The following ST3GAL1 variants were observed in gnomAD, a reference collection of about 807,000 sequenced individuals.
The protein encoded by ST3GAL1 is CMP-N-acetylneuraminate-beta-galactosamide-alpha-2,3-sialyltransferase 1.
ST3GAL1 carries 16 observed loss-of-function variants against 34.1 expected under a neutral mutation model. The observed-to-expected ratio is 0.47, with a 90% CI of 0.32 to 0.71. The LOEUF is 0.71. Among genes scored for constraint, ST3GAL1 ranks in the 30% least tolerant of loss-of-function variants. The pLI is 0.04. For synonymous variants in ST3GAL1, 191 were observed against 184.7 expected, an observed-to-expected ratio of 1.03 and a Z score of -0.28; for missense variants, 353 against 447.4, an observed-to-expected ratio of 0.79 and a Z score of 1.90.
chr8:133,489,651 AG>A (rs949345237), intron 3 of ST3GAL1: 3 of 152,242 alleles, frequency 2.0e-5, no homozygotes, highest in African/African-American at 7.2e-5. Context: ...AGGTCCCACC[AG>A]GGGGACACTC....
At chr8:133,553,386 T>C (rs1818915910) in intron 1 of ST3GAL1, among the ~76,000 whole-genome samples, 1 of 152,108 alleles carries the variant, frequency 6.6e-6, no homozygotes, top group African/African-American at 2.4e-5. Flanking sequence ...AGTTTCCTCA[T>C]CTGTAATGTG....
chr8:133,468,711 A>G (rs1309201309), intron 5 of ST3GAL1, among the ~76,000 whole-genome samples: 1 of 152,222 alleles, frequency 6.6e-6, no homozygotes, highest in Non-Finnish European at 1.5e-5. Context: ...GGGTGGCTCC[A>G]TGATCCTGAA....
Position 133,556,305 on chromosome 8 carries a change from C to G in ST3GAL1, c.-581-10379G>C, listed in dbSNP as rs750237265. 1.1e-4 allele frequency among the ~76,000 whole-genome samples: 17 copies of G among 152,218 alleles called. No individual in the cohort carries two copies. The highest frequency in any genetic ancestry group is 2.4e-4 in the African/African-American group (10 of 41,454). On this transcript the variant is annotated intron_variant, in intron 1 of 9. Transcript: ENST00000522652. This position sits in a 1 kb window ranked among gnomAD's most constrained non-coding sequence, Gnocchi z 8.9. ...GACGTGGAAGTCACTTGCCCCAGATCTCACCACTGATCAACAGCAGGCCTG... is the reference window on the plus strand; with the variant it reads ...GACGTGGAAGTCACTTGCCCCAGATGTCACCACTGATCAACAGCAGGCCTG...
intron 1 of ST3GAL1, among the ~76,000 whole-genome samples, chr8:133,561,001 C>T (rs1172055460): frequency 6.6e-6 from 1 of 152,014 alleles, no homozygotes; most frequent in Non-Finnish European, 1.5e-5. Context: ...GGAGGGCAGA[C>T]AGCCTGTCAC....
rs138411756 is a variant in ST3GAL1 at position 133,538,301 on chromosome 8, G to A, written c.-429+7473C>T. On this transcript the variant is annotated intron_variant, in intron 2 of 9. Coordinates refer to ENST00000522652, the MANE Select transcript of ST3GAL1 (RefSeq NM_173344.3). ...AGGCCAAGGTGGGGGGATCACCTGA[G>A]GTCAGGAGTTCGAGATCGGCCTGGC... Among the ~76,000 whole-genome samples, 13 of 152,348 alleles carry A rather than the reference G, an allele frequency of 8.5e-5. No individual in the cohort carries two copies. In the East Asian group the frequency reaches 1.5e-3, roughly 18 times the overall value.
In ST3GAL1 at chr8:133,458,278, A is replaced by C. The variant is rs1815373299; in HGVS notation, c.*1486T>G. On this transcript the variant is annotated 3_prime_UTR_variant, in exon 10 of 10. Transcript: ENST00000522652. ...AAACACCAGGACCACCAACAGAGCC[A>C]GGGTGCAAACAATGTCAGTTGAATA... is the stretch of plus-strand genomic sequence containing the variant. 1 of 151,958 alleles carries C rather than the reference A, an allele frequency of 6.6e-6. No individual in the cohort carries two copies. The highest frequency in any genetic ancestry group is 6.6e-5 in the Admixed American group (1 of 15,264). 9.4% of individuals were successfully genotyped at this position (151,958 alleles called of 1,614,324 possible).
chr8:133,528,511 C>CTAT (rs1818042798), intron 2 of ST3GAL1, among the ~76,000 whole-genome samples: 1 of 152,246 alleles, frequency 6.6e-6, no homozygotes, highest in African/African-American at 2.4e-5. Context: ...GTACATTGAG[C>CTAT]TATACAAGCT....
intron 1 of ST3GAL1, among the ~76,000 whole-genome samples, chr8:133,565,900 C>T (rs1161711551): frequency 6.6e-6 from 1 of 152,236 alleles, no homozygotes; most frequent in African/African-American, 2.4e-5. Flanking sequence ...AGGGATTCCC[C>T]TGACTCTGTA....
At chr8:133,539,036 A>G (rs1818387726) in intron 2 of ST3GAL1, among the ~76,000 whole-genome samples, 1 of 152,140 alleles carries the variant, frequency 6.6e-6, no homozygotes, top group African/African-American at 2.4e-5. Flanking sequence ...GGTTGTTACA[A>G]AGGCGTAAGG....
chr8:133,505,585 ATTTCTTTTCTTTCT>A (rs1586625835), intron 2 of ST3GAL1, among the ~76,000 whole-genome samples: 2 of 150,094 alleles, frequency 1.3e-5, no homozygotes, highest in African/African-American at 5.0e-5. Context: ...TCACGTGGCT[ATTTCTTTTCTTTCT>A]TTTCTTTTCT....
rs756483161 is a variant in ST3GAL1, at chr8:133,461,915, C to T, written c.809G>A (p.Gly270Asp). ...CATTGAGAAGATGACCGAGAGGATG[C>T]CGGTAGATGGGTATCGCCCGTGCCC... ...LQGHGRYPST[G>D]ILSVIFSMHV... The change falls in exon 9 of 10, where the codon GGC becomes GAC. Residue 270 changes from glycine (G) to aspartate (D), a missense_variant. By Grantham distance (94) the Gly-to-Asp change is moderately conservative. Coordinates refer to ENST00000522652, the MANE Select transcript of ST3GAL1 (RefSeq NM_173344.3). This position sits in a 1 kb window ranked among gnomAD's most constrained non-coding sequence, Gnocchi z 4.7. 6.2e-7 allele frequency: 1 copy of T among 1,614,046 alleles called. No individual in the cohort carries two copies. Among genetic ancestry groups the T allele is most frequent in the African/African-American group, 1.3e-5 (1 of 74,926 alleles).
At chr8:133,474,550 C>G (rs1586594956) in intron 5 of ST3GAL1, among the ~76,000 whole-genome samples, 1 of 152,168 alleles carries the variant, frequency 6.6e-6, no homozygotes, top group East Asian at 1.9e-4. Context: ...ACAAGAAATC[C>G]CAGAGTCCTC....
intron 1 of ST3GAL1, among the ~76,000 whole-genome samples, chr8:133,557,465 T>C (rs538044873): frequency 1.8e-4 from 28 of 152,230 alleles, no homozygotes; most frequent in Middle Eastern, 3.4e-3. Context: ...CTTGGCAGTA[T>C]CACCCCACGG....
intron 2 of ST3GAL1, among the ~76,000 whole-genome samples, chr8:133,540,866 G>GAGACATATATATAGAGACATATATAT (rs1818466119): frequency 3.2e-5 from 3 of 92,670 alleles, no homozygotes; most frequent in Admixed American, 1.1e-4. Flanking sequence ...CATATATATA[G>GAGACATATATATAGAGACATATATAT]AGACATATAT....
chr8:133,531,621 T>C (rs1275457488), intron 2 of ST3GAL1, among the ~76,000 whole-genome samples: 1 of 151,796 alleles, frequency 6.6e-6, no homozygotes, highest in African/African-American at 2.4e-5. Context: ...TGAAAACACA[T>C]GGACACAGGG....
At chr8:133,569,716 T>C (rs915877811) in intron 1 of ST3GAL1, among the ~76,000 whole-genome samples, 7 of 152,054 alleles carry the variant, frequency 4.6e-5, no homozygotes, top group Non-Finnish European at 1.0e-4. Context: ...GGGAAGGCAC[T>C]GAGGGACCCC....
Position 133,496,556 on chromosome 8 carries a change from C to T in ST3GAL1, c.-374+2579G>A, listed in dbSNP as rs146560946. On this transcript the variant is annotated intron_variant, in intron 3 of 9. Coordinates refer to ENST00000522652, the MANE Select transcript of ST3GAL1 (RefSeq NM_173344.3). ...CAGAGGAACACACAGATGACCACAC[C>T]TTTCTGTTCCATTTTCAGAGTCTCC... Among the ~76,000 whole-genome samples the T allele has an allele frequency of 2.7e-3, 413 of 152,288 alleles. 2 individuals carry two copies. The highest frequency in any genetic ancestry group is 9.7e-3 in the African/African-American group (402 of 41,554).
intron 8 of ST3GAL1, among the ~76,000 whole-genome samples, chr8:133,462,846 A>G (rs1433973081): frequency 6.6e-6 from 1 of 152,200 alleles, no homozygotes; most frequent in Non-Finnish European, 1.5e-5. Context: ...GGAGTCTTCA[A>G]TTCTAGCCTT....
rs1327959872 is a variant in ST3GAL1 at position 133,476,083 on chromosome 8, G to C, written c.-50-9C>G. 8.0e-5 allele frequency: 120 copies of C among 1,498,682 alleles called. No homozygotes were observed. The highest frequency in any genetic ancestry group is 1.0e-4 in the Non-Finnish European group (116 of 1,120,868). 92.8% of individuals were successfully genotyped at this position (1,498,682 alleles called of 1,614,324 possible). A position where few individuals can be genotyped will look rare whatever the true frequency, so the allele number is the denominator to read the frequency against. ...GTAGCAGGAACTCCCTCCTAAGAGA[G>C]GAGAAAAATGGAAGAAAAATCCCAG... On this transcript the variant is annotated splice_polypyrimidine_tract_variant and intron_variant, in intron 4 of 9. Transcript: ENST00000522652.
Sources: gnomAD v4.1 joint callset for allele counts (sites outside exome capture counted in the v4.1 genomes callset) on GRCh38, gnomAD v4.1.1 for gene constraint, Gnocchi (gnomAD v3.1) non-coding constraint, MANE v1.5 for transcripts, NCBI Gene and HGNC (gene_info 2026-07-23, HGNC 2026-07-21) for gene names.